INTS9: variants seen among roughly 807,000 people sequenced by gnomAD.
The protein encoded by INTS9 is protein related to CPSF subunits of 74 kDa.
A neutral mutation model predicts 79.7 loss-of-function variants in INTS9; 55 were observed. The observed-to-expected ratio is 0.69, with a 90% CI of 0.56 to 0.86. The LOEUF is 0.86. Among genes scored for constraint, INTS9 ranks in the 40% least tolerant of loss-of-function variants. INTS9 has a pLI of 0.00. For missense variants in INTS9, 721 were observed against 831.5 expected (o/e 0.87, Z 1.64); for synonymous variants, 319 against 325.2 (o/e 0.98, Z 0.20).
At chr8:28,784,403 ATTTCTAGCCTGTG>A (rs1803468972) in intron 11 of INTS9, among the ~76,000 whole-genome samples, 1 of 152,216 alleles carries the variant, frequency 6.6e-6, no homozygotes, top group Non-Finnish European at 1.5e-5. Flanking sequence ...TTTTTATAAT[ATTTCTAGCCTGTG>A]TTTCACTATG....
At chr8:28,780,055 T>TG (rs1383824441) in intron 12 of INTS9, among the ~76,000 whole-genome samples, 2 of 149,444 alleles carry the variant, frequency 1.3e-5, no homozygotes, top group Non-Finnish European at 3.0e-5. Context: ...AAATCAAGGT[T>TG]TTTTTTTTTT....
chr8:28,777,631 G>C (rs1802967133), intron 13 of INTS9, among the ~76,000 whole-genome samples, 198 bp downstream of exon 13: 1 of 151,984 alleles, frequency 6.6e-6, no homozygotes, highest in South Asian at 2.1e-4. Flanking sequence ...CTTTAGAATG[G>C]AAACTGCGGT....
chr8:28,852,350 C>G (rs118014494), intron 2 of INTS9, among the ~76,000 whole-genome samples: 2,313 of 147,048 alleles, frequency 0.016, 20 homozygotes, highest in Non-Finnish European at 0.02. Flanking sequence ...AAAATAAACT[C>G]TGGGAGTTTT....
At chr8:28,837,548 C>T (rs1036595809) in intron 5 of INTS9, 89 bp downstream of exon 5, 1 of 1,403,242 alleles carries the variant, frequency 7.1e-7, no homozygotes, top group African/African-American at 1.4e-5. Context: ...GAACTAACCA[C>T]CAGCCCTGGT....
At chr8:28,771,562 G>A (rs971159705) in intron 14 of INTS9, among the ~76,000 whole-genome samples, 1 of 152,200 alleles carries the variant, frequency 6.6e-6, no homozygotes, top group Non-Finnish European at 1.5e-5. Context: ...ACAAAAACAT[G>A]CAAGAGGCCA....
At chr8:28,807,609 A>G (rs1309170173) in intron 8 of INTS9, among the ~76,000 whole-genome samples, 1 of 152,234 alleles carries the variant, frequency 6.6e-6, no homozygotes, top group African/African-American at 2.4e-5. Context: ...CACTACATTA[A>G]TGGTCTCAAA....
chr8:28,816,488 A>AT (rs1563271250), intron 6 of INTS9, among the ~76,000 whole-genome samples: 1 of 150,812 alleles, frequency 6.6e-6, no homozygotes, highest in Non-Finnish European at 1.5e-5. Context: ...TGAACTCATC[A>AT]TTTTTTATGG....
At chr8:28,869,005 A>C (rs778783097) in intron 1 of INTS9, among the ~76,000 whole-genome samples, 1 of 152,104 alleles carries the variant, frequency 6.6e-6, no homozygotes, top group Non-Finnish European at 1.5e-5. Flanking sequence ...AGGCTGAGGC[A>C]GGAGAATAGC....
chr8:28,855,083 A>G (rs565691856), intron 2 of INTS9, among the ~76,000 whole-genome samples: 1 of 152,188 alleles, frequency 6.6e-6, no homozygotes, highest in Non-Finnish European at 1.5e-5. Context: ...AGCAGATTCC[A>G]AGACACTCCC....
In INTS9 at chr8:28,805,263, G is replaced by A. The variant is rs530529716; in HGVS notation, c.744+7064C>T. ...TTCTTAATGACAACAAGCGATACAA[G>A]TGGAAAATGAAGTCATATTTCCAAA... On this transcript the variant is annotated intron_variant, in intron 8 of 16. Coordinates refer to ENST00000521022, the MANE Select transcript of INTS9 (RefSeq NM_018250.4). Among the ~76,000 whole-genome samples the A allele has an allele frequency of 2.0e-5, 3 of 152,292 alleles. No individual in the cohort carries two copies. The East Asian group carries it at 5.8e-4, about 29-fold the overall frequency.
intron 1 of INTS9, among the ~76,000 whole-genome samples, chr8:28,878,902 C>T (rs1031282739): frequency 6.6e-6 from 1 of 151,770 alleles, no homozygotes; most frequent in Non-Finnish European, 1.5e-5. Context: ...ATCGCTTGAG[C>T]CCGGGAGGTA....
chr8:28,866,929 C>T (rs887945689), intron 1 of INTS9, among the ~76,000 whole-genome samples: 50 of 151,462 alleles, frequency 3.3e-4, no homozygotes, highest in African/African-American at 8.8e-4. Context: ...GAGCCAAGAT[C>T]GCACCACTGC....
intron 1 of INTS9, among the ~76,000 whole-genome samples, chr8:28,860,020 G>A (rs965773980): frequency 4.0e-5 from 6 of 150,858 alleles, no homozygotes. Context: ...AAGAGGAACT[G>A]GTTAGAAAGG....
chr8:28,880,255 CCTCTCCCTCTCCCTCTCCCTCTCT>C (rs1359767228), intron 1 of INTS9, among the ~76,000 whole-genome samples: 4 of 134,892 alleles, frequency 3.0e-5, no homozygotes, highest in South Asian at 4.9e-4. Context: ...TCTCCCTCTC[CCTCTCCCTCTCCCTCTCCCTCTCT>C]CTCCCTCCAC....
intron 6 of INTS9, among the ~76,000 whole-genome samples, chr8:28,818,583 T>C (rs1351208438): frequency 6.6e-6 from 1 of 151,814 alleles, no homozygotes; most frequent in African/African-American, 2.4e-5. Context: ...TTTGCATCAA[T>C]GTTCATCAAG....
intron 1 of INTS9, among the ~76,000 whole-genome samples, chr8:28,882,936 C>T (rs1809977005): frequency 6.6e-6 from 1 of 152,242 alleles, no homozygotes; most frequent in Admixed American, 6.5e-5. Flanking sequence ...GTCTTGATCA[C>T]TGAGCAACTT....
intron 8 of INTS9, among the ~76,000 whole-genome samples, chr8:28,809,614 C>G (rs936790440): frequency 6.6e-6 from 1 of 152,126 alleles, no homozygotes; most frequent in Admixed American, 6.5e-5. Context: ...CTGGAAATTA[C>G]ATCAATAGTA....
At chr8:28,814,401 G>A (rs1454508741) in intron 6 of INTS9, among the ~76,000 whole-genome samples, 2 of 150,942 alleles carry the variant, frequency 1.3e-5, no homozygotes, top group Non-Finnish European at 2.9e-5. Flanking sequence ...ATTTTAGAAA[G>A]TAGACAGACA....
At position 28,836,976 on chromosome 8, in the gene INTS9, A is replaced by T. The variant is rs367848129; in HGVS notation, c.401+661T>A. ...TATTTCAAAAAAAATAAATTGACAA[A>T]TTTTTTTTTCTGGAGTAATTTTCTT... On this transcript the variant is annotated intron_variant, in intron 5 of 16. Coordinates refer to ENST00000521022, the MANE Select transcript of INTS9 (RefSeq NM_018250.4). Among the ~76,000 whole-genome samples the T allele has an allele frequency of 4.6e-3, 699 of 151,876 alleles. 4 individuals are homozygous for T. Among genetic ancestry groups the T allele is most frequent in the African/African-American group, 0.016 (648 of 41,408 alleles).
Sources: allele counts gnomAD v4.1 joint callset (sites outside exome capture counted in the v4.1 genomes callset), GRCh38; gene constraint gnomAD v4.1.1; transcripts MANE v1.5; gene names NCBI Gene and HGNC (gene_info 2026-07-23, HGNC 2026-07-21).